EDA: variants seen among roughly 807,000 people sequenced by gnomAD.
EDA encodes the protein ectodysplasin A.
EDA carries 2 observed loss-of-function variants against 23.6 expected under a neutral mutation model. The ratio of observed to expected loss-of-function variants is 0.08; its 90% CI spans 0.03 to 0.27. The LOEUF (loss-of-function observed/expected upper bound fraction) is 0.27. EDA is among the 10% of genes least tolerant of loss of function. The pLI is 1.00. For synonymous variants in EDA, 131 were observed against 132.0 expected, an observed-to-expected ratio of 0.99 and a Z score of 0.05; for missense variants, 229 against 324.2, an observed-to-expected ratio of 0.71 and a Z score of 2.26.
chrX:69,703,713 T>C (rs1169281850), intron 1 of EDA, among the ~76,000 whole-genome samples: 1 of 111,709 alleles, frequency 9.0e-6, no homozygotes, highest in Non-Finnish European at 1.9e-5. Context: ...CTCTTCCTGC[T>C]TCTGCTATCT....
At chrX:69,765,260 C>T (rs902711425) in intron 1 of EDA, among the ~76,000 whole-genome samples, 1 of 112,421 alleles carries the variant, frequency 8.9e-6, no homozygotes, top group East Asian at 2.8e-4. Context: ...TGAGGGCCTA[C>T]TATATGCCAG....
At chrX:69,628,134 T>A (rs1164560835) in intron 1 of EDA, among the ~76,000 whole-genome samples, 2 of 112,114 alleles carry the variant, frequency 1.8e-5, no homozygotes, top group Non-Finnish European at 3.8e-5. Context: ...CTGAATTTTA[T>A]TCTGTGGTTT....
chrX:69,878,891 A>G (rs957090550), intron 1 of EDA, among the ~76,000 whole-genome samples: 1 of 111,087 alleles, frequency 9.0e-6, no homozygotes, highest in African/African-American at 3.3e-5. Context: ...AACAGTGCAT[A>G]CGACTCCTCC....
intron 2 of EDA, among the ~76,000 whole-genome samples, chrX:69,991,705 A>G (rs746806911): frequency 8.9e-6 from 1 of 111,869 alleles, no homozygotes; most frequent in Non-Finnish European, 1.9e-5. Flanking sequence ...GTGGAGGTTC[A>G]GAAATCTCCT....
In EDA at chrX:70,035,341, T is replaced by G. The variant is rs1021736711; in HGVS notation, c.925-17T>G. On this transcript the variant is annotated splice_polypyrimidine_tract_variant and intron_variant, in intron 7 of 7. Coordinates refer to ENST00000374552, the MANE Select transcript of EDA (RefSeq NM_001399.5). Reference sequence around the variant, plus strand: ...TTTCCTCTCTTCCCCAATCCCTTCTTGTTGCCTCTCACTCAGGTATACTAC... The same window carrying G: ...TTTCCTCTCTTCCCCAATCCCTTCTGGTTGCCTCTCACTCAGGTATACTAC... The G allele has an allele frequency of 4.1e-6, 5 of 1,207,330 alleles. No homozygotes were observed. Among genetic ancestry groups the G allele is most frequent in the Non-Finnish European group, 5.6e-6 (5 of 893,477 alleles).
chrX:69,879,326 G>A (rs1364972744), intron 1 of EDA, among the ~76,000 whole-genome samples: 1 of 111,946 alleles, frequency 8.9e-6, no homozygotes, highest in Non-Finnish European at 1.9e-5. Flanking sequence ...CCTATTCCTT[G>A]TTGCTGTTCT....
At chrX:69,707,978 A>G (rs1275643021) in intron 1 of EDA, among the ~76,000 whole-genome samples, 1 of 111,634 alleles carries the variant, frequency 9.0e-6, no homozygotes, top group Non-Finnish European at 1.9e-5. Flanking sequence ...TCTGAGAGAG[A>G]AATCACCCAT....
intron 1 of EDA, among the ~76,000 whole-genome samples, chrX:69,698,371 G>A (rs1184833213): frequency 2.7e-5 from 3 of 111,144 alleles, no homozygotes; most frequent in Non-Finnish European, 1.9e-5. Context: ...TGACCACTTC[G>A]GTTGTAGCTT....
chrX:69,963,548 A>G (rs2019133375), intron 2 of EDA, among the ~76,000 whole-genome samples: 1 of 112,139 alleles, frequency 8.9e-6, no homozygotes, highest in African/African-American at 3.2e-5. Context: ...ACAGCAGAAC[A>G]CTCTGGAGAG....
intron 1 of EDA, among the ~76,000 whole-genome samples, chrX:69,758,597 G>A (rs1274134357): frequency 8.9e-6 from 1 of 112,321 alleles, no homozygotes; most frequent in Non-Finnish European, 1.9e-5. Context: ...ACTTTGGGAG[G>A]CTGAGGTGGG....
intron 2 of EDA, among the ~76,000 whole-genome samples, chrX:69,970,147 G>T (rs931658300): frequency 1.8e-5 from 2 of 112,248 alleles, no homozygotes; most frequent in South Asian, 3.7e-4. Context: ...TTGATATCAA[G>T]TTTCTGACCC....
chrX:69,897,812 G>T (rs2018040656), intron 1 of EDA, among the ~76,000 whole-genome samples: 1 of 111,512 alleles, frequency 9.0e-6, no homozygotes, highest in South Asian at 4.0e-4. Flanking sequence ...GTCAGAGCTT[G>T]ATCCTATTGC....
intron 2 of EDA, among the ~76,000 whole-genome samples, chrX:69,959,332 T>C (rs1047885800): frequency 1.8e-5 from 2 of 111,626 alleles, no homozygotes; most frequent in African/African-American, 6.5e-5. Flanking sequence ...GTTAGGAGTA[T>C]AGAATGCCTG....
chrX:69,795,039 G>T (rs1029418559), intron 1 of EDA, among the ~76,000 whole-genome samples: 2 of 111,403 alleles, frequency 1.8e-5, no homozygotes, highest in African/African-American at 6.5e-5. Context: ...TAAATTCTTT[G>T]TAGAGTTGGG....
intron 1 of EDA, among the ~76,000 whole-genome samples, chrX:69,788,025 G>A (rs1255959331): frequency 2.8e-4 from 31 of 110,326 alleles, no homozygotes; most frequent in African/African-American, 8.6e-4. Flanking sequence ...TTCCCTTCTC[G>A]CTTCATTTCA....
At chrX:69,999,127 A>G (rs951052109) in intron 2 of EDA, among the ~76,000 whole-genome samples, 2 of 112,015 alleles carry the variant, frequency 1.8e-5, no homozygotes, top group African/African-American at 3.2e-5. Flanking sequence ...TGGAAAACAG[A>G]TAAGAAGAGA....
chrX:69,775,549 T>A (rs1455089964), intron 1 of EDA, among the ~76,000 whole-genome samples: 1 of 111,665 alleles, frequency 9.0e-6, no homozygotes, highest in African/African-American at 3.2e-5. Context: ...GTTCCCATAT[T>A]CCTTTTAAGC....
chrX:69,748,549 C>CT (rs1165624859), intron 1 of EDA, among the ~76,000 whole-genome samples: 1 of 111,149 alleles, frequency 9.0e-6, no homozygotes, highest in Non-Finnish European at 1.9e-5. Context: ...CAATATTATA[C>CT]TTTTTTTAAA....
At chrX:69,941,624 G>C (rs2018758767) in intron 1 of EDA, among the ~76,000 whole-genome samples, 1 of 110,795 alleles carries the variant, frequency 9.0e-6, no homozygotes, top group Non-Finnish European at 1.9e-5. Flanking sequence ...CCATTAGCAT[G>C]GAATATCTTT....
Sources: gnomAD v4.1 joint callset for allele counts (sites outside exome capture counted in the v4.1 genomes callset) on GRCh38, gnomAD v4.1.1 for gene constraint, MANE v1.5 for transcripts, NCBI Gene and HGNC (gene_info 2026-07-23, HGNC 2026-07-21) for gene names.